Variants in FERMT1 observed in about 807,000 individuals in gnomAD.
The protein encoded by FERMT1 is fermitin family homolog 1.
FERMT1 carries 60 observed loss-of-function variants against 85.3 expected under a neutral mutation model. The ratio of observed to expected loss-of-function variants is 0.70; its 90% CI spans 0.57 to 0.87. FERMT1 has a LOEUF of 0.87. FERMT1 is among the 40% of genes least tolerant of loss of function. The pLI is 0.00. For missense variants in FERMT1, 701 were observed against 818.9 expected, an observed-to-expected ratio of 0.86 and a Z score of 1.76; for synonymous variants, 275 against 301.1, an observed-to-expected ratio of 0.91 and a Z score of 0.90.
In FERMT1 at chr20:6,076,827, A is replaced by G; in HGVS notation, c.*346T>C. On this transcript the variant is annotated 3_prime_UTR_variant, in exon 15 of 15. Coordinates refer to ENST00000217289, the MANE Select transcript of FERMT1 (RefSeq NM_017671.5). ...TCTTCTCCATTGACTTAGTAATGAG[A>G]CAGATCAGCACGAGGATAACTTGTA... is the stretch of plus-strand genomic sequence containing the variant. 2.5e-6 allele frequency: 1 copy of G among 394,816 alleles called. No homozygotes were observed. The allele number at this position is 394,816 out of a possible 1,614,324, so 24.5% of individuals were successfully genotyped here.
intron 5 of FERMT1, 97 bp from the exon 6 acceptor site, chr20:6,107,731 C>T (rs907162757): frequency 1.5e-6 from 1 of 659,516 alleles, no homozygotes; most frequent in Non-Finnish European, 2.7e-6. Context: ...TATATATATC[C>T]TTGAACAAAA....
In FERMT1 at chr20:6,076,255, C is replaced by T. The variant is rs1300656736; in HGVS notation, c.*918G>A. ...TTTGAGAATGGGTCTGCCCTTCTCTCCCTGACCAGTTGGGATAGACACCTG... is the reference window on the plus strand; with the variant it reads ...TTTGAGAATGGGTCTGCCCTTCTCTTCCTGACCAGTTGGGATAGACACCTG... On this transcript the variant is annotated 3_prime_UTR_variant, in exon 15 of 15. Transcript: ENST00000217289. The T allele has an allele frequency of 8.5e-6, 3 of 353,346 alleles. No homozygotes were observed. Among genetic ancestry groups the T allele is most frequent in the Admixed American group, 7.2e-5 (2 of 27,826 alleles). The allele number at this position is 353,346 out of a possible 1,614,324, so 21.9% of individuals were successfully genotyped here. A position where few individuals can be genotyped will look rare whatever the true frequency, so the allele number is the denominator to read the frequency against.
intron 9 of FERMT1, among the ~76,000 whole-genome samples, chr20:6,092,821 C>T (rs1982403718): frequency 6.6e-6 from 1 of 152,156 alleles, no homozygotes; most frequent in Non-Finnish European, 1.5e-5. Context: ...TAGCCTCAAA[C>T]CATGACAACC....
In FERMT1 at chr20:6,097,028, G is replaced by C. The variant is rs753896502; in HGVS notation, c.963C>G (p.His321Gln). Reference sequence around the variant, plus strand: ...CAGCAGACAACGACAGTTTGCTAATGTGGTACTAAAATGAAAACAGACGTT... The same window carrying C: ...CAGCAGACAACGACAGTTTGCTAATCTGGTACTAAAATGAAAACAGACGTT... ...EMLIFAALQYHISKLSLSAET... is the reference protein window; with the variant it reads ...EMLIFAALQYQISKLSLSAET... Residue 321 changes from histidine to glutamine, a missense_variant, in exon 8 of 15, where the codon CAC (histidine) becomes CAG (glutamine). Physicochemically the swap from His to Gln is conservative, Grantham distance 24. Transcript: ENST00000217289. The C allele has an allele frequency of 1.4e-5, 22 of 1,613,496 alleles. No homozygotes were observed. The highest frequency in any genetic ancestry group is 1.8e-5 in the Non-Finnish European group (21 of 1,179,662).
At position 6,107,540 on chromosome 20, in the gene FERMT1, T is replaced by A; in HGVS notation, c.841A>T (p.Asn281Tyr). The change falls in exon 6 of 15, where the codon AAT (asparagine) becomes TAT (tyrosine). Residue 281 changes from asparagine to tyrosine, a missense_variant. Physicochemically the swap from Asn to Tyr is moderately radical, Grantham distance 143. Coordinates refer to ENST00000217289, the MANE Select transcript of FERMT1 (RefSeq NM_017671.5). ...RFKYYSFFDLNPKYDAVRINQ... is the reference protein window; with the variant it reads ...RFKYYSFFDLYPKYDAVRINQ... The stretch of plus-strand genomic sequence containing the variant: ...GAGAAAAAGTTGCTTACTTTAGGAT[T>A]CAAGTCGAAGAAAGAATAATATTTA... The A allele has an allele frequency of 6.2e-7, 1 of 1,605,150 alleles. No homozygotes were observed. The highest frequency in any genetic ancestry group is 8.5e-7 in the Non-Finnish European group (1 of 1,172,436).
intron 3 of FERMT1, among the ~76,000 whole-genome samples, chr20:6,114,909 A>G (rs1983055831): frequency 6.8e-6 from 1 of 147,148 alleles, no homozygotes; most frequent in Admixed American, 7.1e-5. Flanking sequence ...TTACATTTAC[A>G]TTTATTGGTT....
At chr20:6,095,555 A>G (rs1454690916) in intron 8 of FERMT1, among the ~76,000 whole-genome samples, 1 of 152,224 alleles carries the variant, frequency 6.6e-6, no homozygotes, top group Non-Finnish European at 1.5e-5. Flanking sequence ...TTCATTCTGT[A>G]ATGTAGGCTG....
intron 8 of FERMT1, among the ~76,000 whole-genome samples, 164 bp from the exon 9 acceptor site, chr20:6,095,152 G>C (rs993003129): frequency 6.6e-6 from 1 of 152,056 alleles, no homozygotes; most frequent in Non-Finnish European, 1.5e-5. Flanking sequence ...GTTTACACTC[G>C]CTACATTTCT....
chr20:6,096,777 A>C (rs1187012915), intron 8 of FERMT1, 125 bp downstream of exon 8: 12 of 1,033,746 alleles, frequency 1.2e-5, no homozygotes, highest in Non-Finnish European at 1.4e-5. Context: ...TTAGGTGAAG[A>C]GCATCTTTTT....
chr20:6,110,303 A>C lies in FERMT1; in HGVS notation c.741T>G (p.Asn247Lys), dbSNP rs1306809997. ...AAAAGGAGCCGTGTCCTTACCCTGC[A>C]TTGAGCTTGGCTTTATCAACCAGAG... ...PRSLVDKAKL[N>K]AGWLDSSRSL... The change falls in exon 5 of 15, where the codon AAT (asparagine) becomes AAG (lysine). Residue 247 changes from asparagine (N) to lysine (K), a missense_variant. Physicochemically the swap from Asn to Lys is moderately conservative, Grantham distance 94 (BLOSUM62 0). Coordinates refer to ENST00000217289, the MANE Select transcript of FERMT1 (RefSeq NM_017671.5). 1.9e-6 allele frequency: 3 copies of C among 1,611,938 alleles called. No individual in the cohort carries two copies. The Admixed American group carries it at 5.0e-5, about 27-fold the overall frequency.
Position 6,091,992 on chromosome 20 carries a change from G to C in FERMT1, c.1140-2903C>G, listed in dbSNP as rs558295214. On this transcript the variant is annotated intron_variant, in intron 9 of 14. Coordinates refer to ENST00000217289, the MANE Select transcript of FERMT1 (RefSeq NM_017671.5). Reference sequence around the variant, plus strand: ...CACTCTGTTGCCCAGACTGGGTGGAGTGCAGTGGTGCAATCTCGGCTCATT... The same window carrying C: ...CACTCTGTTGCCCAGACTGGGTGGACTGCAGTGGTGCAATCTCGGCTCATT... 4.6e-5 allele frequency among the ~76,000 whole-genome samples: 7 copies of C among 150,620 alleles called. No homozygotes were observed. The South Asian group carries it at 1.1e-3, about 23-fold the overall frequency.
intron 6 of FERMT1, among the ~76,000 whole-genome samples, chr20:6,102,747 C>A (rs1982695951): frequency 6.6e-6 from 1 of 151,218 alleles, no homozygotes; most frequent in Admixed American, 6.6e-5. Context: ...TGAGTTCTGC[C>A]ACCTCTCCAC....
intron 3 of FERMT1, among the ~76,000 whole-genome samples, chr20:6,115,369 G>A (rs927692757): frequency 1.3e-5 from 2 of 152,074 alleles, no homozygotes; most frequent in Non-Finnish European, 2.9e-5. Flanking sequence ...ATTTTTATGG[G>A]CAGAGTTATT....
At chr20:6,102,206 T>C (rs1982676511) in intron 6 of FERMT1, among the ~76,000 whole-genome samples, 1 of 152,006 alleles carries the variant, frequency 6.6e-6, no homozygotes, top group Non-Finnish European at 1.5e-5. Context: ...CCAGAGACAA[T>C]GCTGCATCAC....
intron 9 of FERMT1, 148 bp downstream of exon 9, chr20:6,094,791 C>T: frequency 1.5e-6 from 1 of 673,442 alleles, no homozygotes; most frequent in Non-Finnish European, 2.8e-6. Flanking sequence ...AGAGCTACGA[C>T]TCAACCCATT....
intron 6 of FERMT1, among the ~76,000 whole-genome samples, chr20:6,101,164 C>T (rs1982648871): frequency 6.6e-6 from 1 of 152,196 alleles, no homozygotes; most frequent in Non-Finnish European, 1.5e-5. Flanking sequence ...GGATATCAGC[C>T]CTTTCACAGA....
intron 3 of FERMT1, among the ~76,000 whole-genome samples, chr20:6,113,061 G>A (rs1983001476): frequency 6.6e-6 from 1 of 151,940 alleles, no homozygotes; most frequent in Admixed American, 6.6e-5. Flanking sequence ...ATTCCCATGT[G>A]TTGTCAGAGG....
In FERMT1 at chr20:6,110,451, G is replaced by A. The variant is rs1451310537; in HGVS notation, c.593C>T (p.Pro198Leu). 1.2e-6 allele frequency: 2 copies of A among 1,614,102 alleles called. No individual in the cohort carries two copies. The highest frequency in any genetic ancestry group is 2.2e-5 in the East Asian group (1 of 44,876). Residue 198 changes from proline to leucine, a missense_variant, in exon 5 of 15, where the codon CCA becomes CTA. Physicochemically the swap from Pro to Leu is moderately conservative, Grantham distance 98. Coordinates refer to ENST00000217289, the MANE Select transcript of FERMT1 (RefSeq NM_017671.5). ...GAACCAAGTCATGGTGGATGATGCTGGTGTTCCATTGATGGGGTCATATAT... is the reference window on the plus strand; with the variant it reads ...GAACCAAGTCATGGTGGATGATGCTAGTGTTCCATTGATGGGGTCATATAT... ...TPIYDPINGT[P>L]ASSTMTWFSD... is the part of the protein sequence containing the mutation.
intron 6 of FERMT1, among the ~76,000 whole-genome samples, chr20:6,105,715 A>T (rs1361285637): frequency 6.6e-6 from 1 of 152,240 alleles, no homozygotes; most frequent in Non-Finnish European, 1.5e-5. Context: ...TTATTTTAAT[A>T]TACAACAGTT....
Sources: allele counts gnomAD v4.1 joint callset (sites outside exome capture counted in the v4.1 genomes callset), GRCh38; gene constraint gnomAD v4.1.1; transcripts MANE v1.5; gene names NCBI Gene and HGNC (gene_info 2026-07-23, HGNC 2026-07-21).